Variants in ATP8A2 observed in about 807,000 individuals in gnomAD.
The protein encoded by ATP8A2 is phospholipid-transporting ATPase IB.
A neutral mutation model predicts 165.6 loss-of-function variants in ATP8A2; 100 were observed. The ratio of observed to expected loss-of-function variants is 0.60; its 90% CI spans 0.51 to 0.71. The LOEUF (loss-of-function observed/expected upper bound fraction) is 0.71. Among genes scored for constraint, ATP8A2 ranks in the 30% least tolerant of loss-of-function variants. The pLI is 0.00. For synonymous variants in ATP8A2, 543 were observed against 548.8 expected (o/e 0.99, Z 0.15); for missense variants, 1,227 against 1,479.5 (o/e 0.83, Z 2.80).
chr13:25,431,779 C>A (rs1234787667), intron 1 of ATP8A2, among the ~76,000 whole-genome samples: 1 of 152,122 alleles, frequency 6.6e-6, no homozygotes, highest in African/African-American at 2.4e-5. Flanking sequence ...AAATTACATA[C>A]ATTAAATTCA....
intron 35 of ATP8A2, among the ~76,000 whole-genome samples, chr13:25,974,366 A>G (rs560806353): frequency 1.8e-4 from 28 of 152,126 alleles, no homozygotes; most frequent in African/African-American, 6.0e-4. Flanking sequence ...TCCGAGTTGC[A>G]TCGTCGGGGT....
At chr13:25,651,642 T>A (rs75088190) in intron 24 of ATP8A2, among the ~76,000 whole-genome samples, 5,243 of 152,204 alleles carry the variant, frequency 0.034, 156 homozygotes, top group East Asian at 0.13. Context: ...TATTAGAGAA[T>A]TGTGATCAGG....
intron 24 of ATP8A2, among the ~76,000 whole-genome samples, chr13:25,694,798 G>C (rs1257054627): frequency 6.6e-6 from 1 of 152,156 alleles, no homozygotes; most frequent in Non-Finnish European, 1.5e-5. Context: ...ACCCTTCTGA[G>C]TAGCTGGGAC....
intron 2 of ATP8A2, among the ~76,000 whole-genome samples, chr13:25,517,563 G>T (rs532468777): frequency 6.6e-6 from 1 of 152,312 alleles, no homozygotes; most frequent in African/African-American, 2.4e-5. Flanking sequence ...TCTAATTTAT[G>T]AACTTACCTT....
intron 33 of ATP8A2, among the ~76,000 whole-genome samples, chr13:25,912,441 G>T: frequency 6.6e-6 from 1 of 152,060 alleles, no homozygotes; most frequent in Non-Finnish European, 1.5e-5. Flanking sequence ...CAGTGAGACA[G>T]GAGGAATATG....
At chr13:25,748,492 A>G (rs528383831) in intron 25 of ATP8A2, among the ~76,000 whole-genome samples, 2 of 152,244 alleles carry the variant, frequency 1.3e-5, no homozygotes, top group South Asian at 2.1e-4. Context: ...TCAATGTAAG[A>G]TATTTGTTGC....
At chr13:25,533,147 A>G (rs2038169648) in intron 5 of ATP8A2, 126 bp from the exon 6 acceptor site, 1 of 655,202 alleles carries the variant, frequency 1.5e-6, no homozygotes. Context: ...ATGTTATGCC[A>G]TCATGGCTAA....
At position 25,543,368 on chromosome 13, in the gene ATP8A2, T is replaced by C. The variant is rs1555294190; in HGVS notation, c.857T>C (p.Val286Ala). ...LRNTQWVFGI[V>A]VYTGHDTKLM... ...AATACTCAGTGGGTCTTTGGCATAG[T>C]TGTTTATACTGGACACGACACCAAA... is the stretch of plus-strand genomic sequence containing the variant. The change falls in exon 10 of 37, where the codon GTT becomes GCT. Residue 286 changes from valine (V) to alanine (A), a missense_variant. Physicochemically the swap from Val to Ala is moderately conservative, Grantham distance 64. Transcript: ENST00000381655. 2 of 1,612,594 alleles carry C rather than the reference T, an allele frequency of 1.2e-6. No individual in the cohort carries two copies. The highest frequency in any genetic ancestry group is 1.7e-6 in the Non-Finnish European group (2 of 1,178,794).
intron 1 of ATP8A2, 119 bp from the exon 2 acceptor site, chr13:25,468,858 G>C (rs1377905024): frequency 6.7e-7 from 1 of 1,484,012 alleles, no homozygotes; most frequent in Non-Finnish European, 9.0e-7. Context: ...GGCGGCGTCC[G>C]CCTCACCCGA....
intron 24 of ATP8A2, among the ~76,000 whole-genome samples, chr13:25,683,389 G>A (rs911633450): frequency 2.6e-5 from 4 of 152,226 alleles, no homozygotes; most frequent in South Asian, 2.1e-4. Flanking sequence ...GCGTGATTTC[G>A]TAGTAGAGTC....
intron 33 of ATP8A2, among the ~76,000 whole-genome samples, chr13:25,947,056 G>A (rs1955233314): frequency 6.6e-6 from 1 of 152,118 alleles, no homozygotes; most frequent in Admixed American, 6.6e-5. Context: ...CCATGTTATT[G>A]GTTTTAATAT....
intron 30 of ATP8A2, among the ~76,000 whole-genome samples, chr13:25,846,557 C>G (rs1206239609): frequency 6.6e-6 from 1 of 152,178 alleles, no homozygotes; most frequent in Admixed American, 6.5e-5. Context: ...TTGTGAGACA[C>G]AGATTGCCTT....
At chr13:25,705,880 GT>G (rs1352070772) in intron 25 of ATP8A2, among the ~76,000 whole-genome samples, 4 of 152,134 alleles carry the variant, frequency 2.6e-5, no homozygotes, top group East Asian at 3.8e-4. Context: ...TGTCAAATTT[GT>G]TTTTTAAAAG....
rs1039762978 is a variant in ATP8A2 at position 25,750,452 on chromosome 13, C to T, written c.2385-18594C>T. Among the ~76,000 whole-genome samples, 1 of 152,060 alleles carries T rather than the reference C, an allele frequency of 6.6e-6. No homozygotes were observed. The highest frequency in any genetic ancestry group is 1.9e-4 in the East Asian group (1 of 5,170). ...TGTGCCCACCCCCACACTGAAGCAG[C>T]CTCCCTCCCCACAGCTATCCCCCCG... is the stretch of plus-strand genomic sequence containing the variant. On this transcript the variant is annotated intron_variant, in intron 25 of 36. Transcript: ENST00000381655. The surrounding 1 kb of genome is among the most constrained non-coding windows in gnomAD (Gnocchi z 4.3).
rs542998532 is a variant in ATP8A2 at position 25,429,394 on chromosome 13, A to T, written c.77-39583A>T. Among the ~76,000 whole-genome samples, 1,215 of 149,794 alleles carry T rather than the reference A, an allele frequency of 8.1e-3. 24 individuals carry two copies. Among genetic ancestry groups the T allele is most frequent in the African/African-American group, 0.028 (1,124 of 40,804 alleles). On this transcript the variant is annotated intron_variant, in intron 1 of 36. Coordinates refer to ENST00000381655, the MANE Select transcript of ATP8A2 (RefSeq NM_016529.6). ...CTTAAAAAAAAAAAAAAAAAAAAAA[A>T]AAAAAAGAAGTAATCTTGCATGTTC...
At chr13:25,925,021 T>C (rs1049017270) in intron 33 of ATP8A2, among the ~76,000 whole-genome samples, 4 of 152,222 alleles carry the variant, frequency 2.6e-5, no homozygotes, top group African/African-American at 9.6e-5. Flanking sequence ...AGATACGTCT[T>C]TATTAGCAGC....
At chr13:25,521,578 C>G (rs2037673604) in intron 2 of ATP8A2, among the ~76,000 whole-genome samples, 1 of 152,088 alleles carries the variant, frequency 6.6e-6, no homozygotes, top group Admixed American at 6.6e-5. Flanking sequence ...GTCTAGATTT[C>G]TTTTTTGATA....
chr13:25,753,003 G>C (rs886435097), intron 25 of ATP8A2, among the ~76,000 whole-genome samples: 3 of 152,268 alleles, frequency 2.0e-5, no homozygotes, highest in South Asian at 2.1e-4. Flanking sequence ...TTGCACTGTG[G>C]AGTACTGGGG....
chr13:25,527,705 A>G (rs2037885702), intron 2 of ATP8A2, among the ~76,000 whole-genome samples: 1 of 151,928 alleles, frequency 6.6e-6, no homozygotes, highest in Admixed American at 6.6e-5. Flanking sequence ...ACCCTCTTAT[A>G]TTTCATTTTT....
Sources: gnomAD v4.1 joint callset for allele counts (sites outside exome capture counted in the v4.1 genomes callset) on GRCh38, gnomAD v4.1.1 for gene constraint, Gnocchi (gnomAD v3.1) non-coding constraint, MANE v1.5 for transcripts, NCBI Gene and HGNC (gene_info 2026-07-23, HGNC 2026-07-21) for gene names.